The following TMEM177 variants were observed in gnomAD, a reference collection of about 807,000 sequenced individuals.
TMEM177 encodes transmembrane protein 177.
In TMEM177, 4 loss-of-function variants were observed where a neutral mutation model predicts 14.2. That is an observed-to-expected ratio of 0.28 (90% CI 0.14 to 0.64). The LOEUF is 0.64. TMEM177 is among the 30% of genes least tolerant of loss of function. The pLI is 0.82. For missense variants in TMEM177, 344 were observed against 405.2 expected, an observed-to-expected ratio of 0.85 and a Z score of 1.30; for synonymous variants, 179 against 174.5, an observed-to-expected ratio of 1.03 and a Z score of -0.20.
chr2:119,681,219 G>A lies in TMEM177; in HGVS notation c.366G>A (p.Val122=), dbSNP rs756265951. 2.5e-6 allele frequency: 4 copies of A among 1,614,256 alleles called. No homozygotes were observed. Among genetic ancestry groups the A allele is most frequent in the Non-Finnish European group, 3.4e-6 (4 of 1,180,042 alleles). ...GDLVINTNHP[V]VIHGHTVDWR... ...TAGTGATCAACACTAACCATCCCGT[G>A]GTCATACATGGGCATACAGTGGACT... Residue 122 remains valine, a synonymous_variant, in exon 2 of 2, where the codon GTG becomes GTA. Transcript: ENST00000272521.
the TMEM177 span, among the ~76,000 whole-genome samples, chr2:119,712,549 G>T: frequency 6.6e-6 from 1 of 152,106 alleles, no homozygotes; most frequent in Non-Finnish European, 1.5e-5. Flanking sequence ...CCACATGAAG[G>T]CACGGCAAGA....
the TMEM177 span, among the ~76,000 whole-genome samples, chr2:119,694,000 A>G: frequency 2.2e-3 from 2 of 900 alleles, no homozygotes; most frequent in East Asian, 0.05. Flanking sequence ...CACACACCAC[A>G]TACGCATACA....
the TMEM177 span, among the ~76,000 whole-genome samples, chr2:119,714,972 G>A: frequency 6.6e-6 from 1 of 152,234 alleles, no homozygotes; most frequent in African/African-American, 2.4e-5. Context: ...ATGCCACCTT[G>A]TCACCTGGAA....
At chr2:119,698,200 T>A in the TMEM177 span, among the ~76,000 whole-genome samples, 1 of 152,144 alleles carries the variant, frequency 6.6e-6, no homozygotes, top group African/African-American at 2.4e-5. Context: ...GGTAGCAACT[T>A]TTATTCTTTT....
At chr2:119,723,099 A>G in the TMEM177 span, among the ~76,000 whole-genome samples, 1 of 152,152 alleles carries the variant, frequency 6.6e-6, no homozygotes, top group African/African-American at 2.4e-5. Context: ...ATTTTGTTGT[A>G]AGTATCCCTG....
chr2:119,691,192 G>A (rs944852543), downstream of TMEM177, among the ~76,000 whole-genome samples: 7 of 152,278 alleles, frequency 4.6e-5, no homozygotes, highest in Non-Finnish European at 1.0e-4. Context: ...CAGACCACCC[G>A]GGCTAAGATC....
the TMEM177 span, among the ~76,000 whole-genome samples, chr2:119,711,091 A>G: frequency 1.2e-4 from 18 of 152,254 alleles, no homozygotes; most frequent in South Asian, 3.5e-3. Flanking sequence ...ATGAAGACCG[A>G]CCACCCCACC....
chr2:119,721,334 C>T, the TMEM177 span, among the ~76,000 whole-genome samples: 1 of 152,216 alleles, frequency 6.6e-6, no homozygotes, highest in Non-Finnish European at 1.5e-5. Context: ...TTAATGAACA[C>T]ACTGATGCAC....
the TMEM177 span, among the ~76,000 whole-genome samples, chr2:119,696,947 T>A: frequency 6.6e-6 from 1 of 152,196 alleles, no homozygotes; most frequent in South Asian, 2.1e-4. Context: ...TGTTCTAGCT[T>A]CACTCTGTTG....
the TMEM177 span, among the ~76,000 whole-genome samples, chr2:119,718,708 G>A: frequency 6.6e-6 from 1 of 152,188 alleles, no homozygotes. Flanking sequence ...AGGAGAGAAA[G>A]TGAAGAACAG....
chr2:119,699,065 G>A, the TMEM177 span: 10 of 202,266 alleles, frequency 4.9e-5, no homozygotes, highest in South Asian at 4.8e-4. Context: ...GAAAAGCCAC[G>A]AAGTGTCTGA....
At chr2:119,700,021 T>G in the TMEM177 span, 2 of 313,404 alleles carry the variant, frequency 6.4e-6, no homozygotes, top group South Asian at 7.3e-5. Context: ...AACCCACACA[T>G]GAGCTCTCCC....
chr2:119,710,278 G>A, the TMEM177 span, among the ~76,000 whole-genome samples: 2 of 152,204 alleles, frequency 1.3e-5, no homozygotes, highest in African/African-American at 2.4e-5. Flanking sequence ...GAAATTCCCC[G>A]GAGTTTATAG....
Position 119,680,861 on chromosome 2 carries a change from G to A in TMEM177, c.8G>A (p.Gly3Asp). 4.3e-6 allele frequency: 7 copies of A among 1,612,714 alleles called. No individual in the cohort carries two copies. The highest frequency in any genetic ancestry group is 5.9e-6 in the Non-Finnish European group (7 of 1,179,012). The change falls in exon 2 of 2, where the codon GGT (glycine) becomes GAT (aspartate). Residue 3 changes from glycine (G) to aspartate (D), a missense_variant. Coordinates refer to ENST00000272521, the MANE Select transcript of TMEM177 (RefSeq NM_030577.3). MA[G>D]PLWRTAAFVQ... Reference sequence around the variant, plus strand: ...TCCGCAGTGACTACACTCATGGCAGGTCCCCTGTGGCGGACCGCAGCATTT... The same window carrying A: ...TCCGCAGTGACTACACTCATGGCAGATCCCCTGTGGCGGACCGCAGCATTT...
chr2:119,690,568 G>T (rs1689078296), downstream of TMEM177, among the ~76,000 whole-genome samples: 1 of 152,206 alleles, frequency 6.6e-6, no homozygotes, highest in Non-Finnish European at 1.5e-5. Context: ...CTAAGCTGGG[G>T]CCTGGGCCTG....
chr2:119,705,023 C>T, the TMEM177 span, among the ~76,000 whole-genome samples: 1 of 152,170 alleles, frequency 6.6e-6, no homozygotes, highest in Non-Finnish European at 1.5e-5. Flanking sequence ...ACAAAAGCCT[C>T]ATTTGGTGAC....
At chr2:119,695,069 G>T in the TMEM177 span, among the ~76,000 whole-genome samples, 1 of 152,174 alleles carries the variant, frequency 6.6e-6, no homozygotes, top group Non-Finnish European at 1.5e-5. Context: ...ATACGGCAAA[G>T]CCCTTCTGAA....
At chr2:119,689,345 T>C (rs2104857942), downstream of TMEM177, among the ~76,000 whole-genome samples, 1 of 152,152 alleles carries the variant, frequency 6.6e-6, no homozygotes. Context: ...GTGAGTTCAG[T>C]GCTGTGAAGA....
the TMEM177 span, among the ~76,000 whole-genome samples, chr2:119,701,414 G>A: frequency 1.3e-5 from 2 of 152,292 alleles, no homozygotes; most frequent in South Asian, 2.1e-4. Context: ...GAGGCCCTGG[G>A]AGGTGGCAGG....
Sources: gnomAD v4.1 joint callset for allele counts (sites outside exome capture counted in the v4.1 genomes callset) on GRCh38, gnomAD v4.1.1 for gene constraint, MANE v1.5 for transcripts, NCBI Gene and HGNC (gene_info 2026-07-23, HGNC 2026-07-21) for gene names.